The following PITPNM2 variants were observed in gnomAD, a reference collection of about 807,000 sequenced individuals.
PITPNM2 encodes the protein membrane-associated phosphatidylinositol transfer protein 2.
PITPNM2 carries 35 observed loss-of-function variants against 132.2 expected under a neutral mutation model. The ratio of observed to expected loss-of-function variants is 0.26; its 90% confidence interval spans 0.20 to 0.35. PITPNM2 has a LOEUF of 0.35. PITPNM2 is among the 10% of genes least tolerant of loss of function. The pLI, the probability that PITPNM2 is intolerant of heterozygous loss-of-function variation, is 1.00. For missense variants in PITPNM2, 1,332 were observed against 1,912.0 expected (o/e 0.70, Z 5.66); for synonymous variants, 738 against 799.2 (o/e 0.92, Z 1.29).
rs577305116 is a variant in PITPNM2 at position 123,095,868 on chromosome 12, T to C, written c.-96+14517A>G. ...CCAAGCGTCAGCACCTGAGGCTCCC[T>C]TCATGGGCTCCACGCCCCAGTGGCA... On this transcript the variant is annotated intron_variant, in intron 2 of 25. Coordinates refer to ENST00000320201, the MANE Select transcript of PITPNM2 (RefSeq NM_020845.3). This position sits in a 1 kb window ranked among gnomAD's most constrained non-coding sequence, Gnocchi z 5.0. Among the ~76,000 whole-genome samples the C allele has an allele frequency of 3.3e-5, 5 of 152,352 alleles. No individual in the cohort carries two copies. The highest frequency in any genetic ancestry group is 1.2e-4 in the African/African-American group (5 of 41,588).
intron 1 of PITPNM2, among the ~76,000 whole-genome samples, chr12:123,138,168 C>T (rs1593035009): frequency 6.6e-6 from 1 of 152,160 alleles, no homozygotes; most frequent in East Asian, 1.9e-4. Flanking sequence ...GAAAAGACGG[C>T]CGGTGCAATG....
At position 123,001,112 on chromosome 12, in the gene PITPNM2, C is replaced by G. The variant is rs745402650; in HGVS notation, c.1095G>C (p.Lys365Asn). Residue 365 changes from lysine (K) to asparagine (N), a missense_variant, in exon 9 of 26, where the codon AAG becomes AAC. Lys to Asn is a moderately conservative substitution (Grantham distance 94). This residue lies in a region of PITPNM2 where 710 missense variants were observed against 911.5 expected (regional missense o/e 0.78). Transcript: ENST00000320201. ...TGTCCATGAGGTCATTGGAGCTCCA[C>G]TTGGTGATGTCCTTGGGGAACATTT... ...TEEMFPKDIT[K>N]WSSNDLMDKI... 6.2e-7 allele frequency: 1 copy of G among 1,614,212 alleles called. No homozygotes were observed. Among genetic ancestry groups the G allele is most frequent in the Admixed American group, 1.7e-5 (1 of 60,024 alleles).
chr12:123,050,894 C>T (rs1228704542), intron 2 of PITPNM2, among the ~76,000 whole-genome samples: 1 of 152,156 alleles, frequency 6.6e-6, no homozygotes, highest in Non-Finnish European at 1.5e-5. Context: ...GGAAAAAAAC[C>T]ACTGGTCAAA....
At chr12:123,103,282 GCT>G (rs2042611157) in intron 2 of PITPNM2, among the ~76,000 whole-genome samples, 1 of 152,184 alleles carries the variant, frequency 6.6e-6, no homozygotes, top group African/African-American at 2.4e-5. Context: ...CCCTGGGTTT[GCT>G]CGTCTGTCTC....
intron 3 of PITPNM2, among the ~76,000 whole-genome samples, chr12:123,021,374 C>T (rs2039665307): frequency 6.6e-6 from 1 of 152,200 alleles, no homozygotes. Context: ...ATCTGTCCCC[C>T]AGGCTGAAGT....
In PITPNM2 at chr12:123,077,975, A is replaced by T. The variant is rs2136973271; in HGVS notation, c.-96+32410T>A. On this transcript the variant is annotated intron_variant, in intron 2 of 25. Transcript: ENST00000320201. This position sits in a 1 kb window ranked among gnomAD's most constrained non-coding sequence, Gnocchi z 4.8. ...CAGCACGCAGCTCTCCCAGCAGCCC[A>T]TGCCTGGAGACAGAGGACACTGAGG... Among the ~76,000 whole-genome samples the T allele has an allele frequency of 6.6e-6, 1 of 152,226 alleles. No individual in the cohort carries two copies. The highest frequency in any genetic ancestry group is 1.9e-4 in the East Asian group (1 of 5,168).
intron 2 of PITPNM2, among the ~76,000 whole-genome samples, chr12:123,049,293 G>C (rs1046139097): frequency 6.6e-6 from 1 of 152,072 alleles, no homozygotes; most frequent in African/African-American, 2.4e-5. Context: ...TGCCTAGGAC[G>C]CCCTTCACCC....
At chr12:123,120,944 G>A (rs1331646914) in intron 1 of PITPNM2, among the ~76,000 whole-genome samples, 2 of 152,180 alleles carry the variant, frequency 1.3e-5, no homozygotes, top group Admixed American at 1.3e-4. Context: ...CAAAACATCC[G>A]GCAGCAGGCC....
At chr12:122,998,215 T>C (rs1324596006) in intron 10 of PITPNM2, among the ~76,000 whole-genome samples, 1 of 152,172 alleles carries the variant, frequency 6.6e-6, no homozygotes, top group African/African-American at 2.4e-5. Flanking sequence ...GACCAGGGTC[T>C]CCAAAAGGAG....
intron 19 of PITPNM2, 51 bp from the exon 20 acceptor site, chr12:122,988,401 TC>T: frequency 2.0e-6 from 3 of 1,517,118 alleles, no homozygotes; most frequent in African/African-American, 1.4e-5. Context: ...CCCGGGGGCT[TC>T]CTGCCCTGGG....
intron 20 of PITPNM2, 23 bp downstream of exon 20, chr12:122,988,211 C>T: frequency 6.2e-7 from 1 of 1,603,244 alleles, no homozygotes; most frequent in Non-Finnish European, 8.5e-7. Context: ...TCGTGGGGGC[C>T]TGGGCGCCCG....
At position 122,986,189 on chromosome 12, in the gene PITPNM2, G is replaced by A; in HGVS notation, c.3888C>T (p.Thr1296=). 2 of 1,551,724 alleles carry A rather than the reference G, an allele frequency of 1.3e-6. No homozygotes were observed. Among genetic ancestry groups the A allele is most frequent in the Non-Finnish European group, 1.7e-6 (2 of 1,153,278 alleles). Residue 1296 remains threonine, a synonymous_variant, in exon 26 of 26, where the codon ACC becomes ACT. Coordinates refer to ENST00000320201, the MANE Select transcript of PITPNM2 (RefSeq NM_020845.3). ...TGGGCCCGCTGGGCTGGGCCGAGATGGTGCGAAGCAGGTGGTTCCGGGAGC... is the reference window on the plus strand; with the variant it reads ...TGGGCCCGCTGGGCTGGGCCGAGATAGTGCGAAGCAGGTGGTTCCGGGAGC... The part of the protein sequence containing the change: ...FLRSRNHLLR[T]ISAQPSGPSH...
In PITPNM2 at chr12:123,099,486, C is replaced by A. The variant is rs10848429; in HGVS notation, c.-96+10899G>T. Among the ~76,000 whole-genome samples, 1,676 of 152,298 alleles carry A rather than the reference C, an allele frequency of 0.011. 38 individuals carry two copies. Among genetic ancestry groups the A allele is most frequent in the South Asian group, 0.062 (300 of 4,830 alleles). On this transcript the variant is annotated intron_variant, in intron 2 of 25. Transcript: ENST00000320201. The surrounding 1 kb of genome is among the most constrained non-coding windows in gnomAD (Gnocchi z 4.2). The stretch of plus-strand genomic sequence containing the variant: ...GTGGGCTGACGAAGCCCTGGGGGCT[C>A]TGGGCCCTACCTGCAGCACTGGCAG...
chr12:123,037,172 T>C (rs1373602607), intron 2 of PITPNM2, among the ~76,000 whole-genome samples: 1 of 152,230 alleles, frequency 6.6e-6, no homozygotes, highest in East Asian at 1.9e-4. Flanking sequence ...AAGAGCTGGC[T>C]GGGCCGAAGT....
In PITPNM2 at chr12:123,150,609, A is replaced by G. The variant is rs1229892393; in HGVS notation, c.-200+144T>C. Among the ~76,000 whole-genome samples the G allele has an allele frequency of 1.4e-5, 2 of 145,474 alleles. No individual in the cohort carries two copies. The highest frequency in any genetic ancestry group is 2.6e-5 in the African/African-American group (1 of 39,094). ...TGCCCGGGTCTCCGCTCCCTCCTCC[A>G]GCCCCCGGCGGGCTGGAGGCTCGGC... On this transcript the variant is annotated intron_variant, in intron 1 of 25. Coordinates refer to ENST00000320201, the MANE Select transcript of PITPNM2 (RefSeq NM_020845.3). The surrounding 1 kb of genome is among the most constrained non-coding windows in gnomAD (Gnocchi z 6.0).
At chr12:123,053,292 T>G (rs192464946) in intron 2 of PITPNM2, among the ~76,000 whole-genome samples, 3 of 152,342 alleles carry the variant, frequency 2.0e-5, no homozygotes, top group Admixed American at 1.3e-4. Flanking sequence ...GGCTATATAT[T>G]TTCCTTTGAG....
chr12:123,032,013 T>C (rs2040109060), intron 3 of PITPNM2, among the ~76,000 whole-genome samples: 1 of 152,194 alleles, frequency 6.6e-6, no homozygotes, highest in Non-Finnish European at 1.5e-5. Flanking sequence ...GCGGGAGATG[T>C]TTCCATCCTG....
At chr12:123,070,892 A>G (rs1439681334) in intron 2 of PITPNM2, among the ~76,000 whole-genome samples, 5 of 152,228 alleles carry the variant, frequency 3.3e-5, no homozygotes, top group South Asian at 2.1e-4. Context: ...TTGGGGCCAC[A>G]TGGAAGGGAT....
At position 122,992,652 on chromosome 12, in the gene PITPNM2, C is replaced by A. The variant is rs139327185; in HGVS notation, c.2251G>T (p.Ala751Ser). 2.6e-6 allele frequency: 4 copies of A among 1,562,102 alleles called. No homozygotes were observed. The African/African-American group carries it at 4.1e-5, about 16-fold the overall frequency. ...PALDVFQLRPACQQVYNLFHP... is the reference protein window; with the variant it reads ...PALDVFQLRPSCQQVYNLFHP... The stretch of plus-strand genomic sequence containing the variant: ...AAGAGGTTGTAGACTTGCTGGCAGG[C>A]CGGCCGCAGCTGGAAAACTGGGGGT... Residue 751 changes from alanine (A) to serine (S), a missense_variant, in exon 16 of 26, where the codon GCC becomes TCC. This residue lies in a region of PITPNM2 where 710 missense variants were observed against 911.5 expected (regional missense o/e 0.78). Transcript: ENST00000320201. This position sits in a 1 kb window ranked among gnomAD's most constrained non-coding sequence, Gnocchi z 6.5.
Sources: gnomAD v4.1 joint callset for allele counts (sites outside exome capture counted in the v4.1 genomes callset) on GRCh38, gnomAD v4.1.1 for gene constraint, gnomAD v4.1.1 regional missense constraint, Gnocchi (gnomAD v3.1) non-coding constraint, MANE v1.5 for transcripts, NCBI Gene and HGNC (gene_info 2026-07-23, HGNC 2026-07-21) for gene names.